The following AKAP13 variants were observed in gnomAD, a reference collection of about 807,000 sequenced individuals.
The protein encoded by AKAP13 is A-kinase anchoring protein 13.
AKAP13 carries 80 observed loss-of-function variants against 264.5 expected under a neutral mutation model. The observed-to-expected ratio is 0.30, with a 90% CI of 0.25 to 0.36. The LOEUF is 0.36. AKAP13 is among the 10% of genes least tolerant of loss of function. The pLI is 1.00. For missense variants in AKAP13, 3,712 were observed against 3,435.2 expected (o/e 1.08, Z -2.01); for synonymous variants, 1,380 against 1,250.2 (o/e 1.10, Z -2.19).
chr15:85,558,966 G>A (rs928560250), intron 5 of AKAP13, among the ~76,000 whole-genome samples: 4 of 145,538 alleles, frequency 2.7e-5, no homozygotes, highest in Non-Finnish European at 4.5e-5. Flanking sequence ...TCCCTTTGCC[G>A]TCCCCTCCCC....
chr15:85,604,239 T>C (rs1051011440), intron 8 of AKAP13, among the ~76,000 whole-genome samples: 5 of 152,182 alleles, frequency 3.3e-5, no homozygotes, highest in African/African-American at 1.2e-4. Context: ...ATAAATACAT[T>C]TGAAGATTTA....
chr15:85,440,477 A>T (rs1356293492), intron 1 of AKAP13, among the ~76,000 whole-genome samples: 3 of 152,214 alleles, frequency 2.0e-5, no homozygotes, highest in Non-Finnish European at 2.9e-5. Flanking sequence ...TGAAGAGCTG[A>T]TGCAAAATCT....
At chr15:85,662,466 T>C in intron 12 of AKAP13, 2 of 1,614,134 alleles carry the variant, frequency 1.2e-6, no homozygotes, top group Non-Finnish European at 1.7e-6. Flanking sequence ...ATGATATTGT[T>C]ATGTGTCCCG....
intron 33 of AKAP13, among the ~76,000 whole-genome samples, chr15:85,739,674 C>CT (rs369957494): frequency 5.3e-5 from 8 of 151,408 alleles, no homozygotes; most frequent in East Asian, 1.9e-4. Flanking sequence ...CCTTCCAGCT[C>CT]TTTTTTTTTC....
intron 15 of AKAP13, among the ~76,000 whole-genome samples, chr15:85,683,066 A>G (rs16943120): frequency 0.18 from 26,758 of 152,214 alleles, 2,609 homozygotes; most frequent in Non-Finnish European, 0.22. Context: ...TGGGGTTCCT[A>G]TGGCTGCCCT....
chr15:85,605,039 G>A (rs73452475), intron 8 of AKAP13, among the ~76,000 whole-genome samples: 9,457 of 152,130 alleles, frequency 0.062, 958 homozygotes, highest in African/African-American at 0.21. Flanking sequence ...GAGCTCATGG[G>A]TGCCCCTGGT....
In AKAP13 at chr15:85,655,681, A is replaced by G. The variant is rs761870457; in HGVS notation, c.4639A>G (p.Asn1547Asp). ...EMDSITEVPA[N>D]CSVLRSSMRS... ...GGACAGTATCACTGAAGTGCCTGCA[A>G]ACTGCTCTGTCCTAAGGAGCTCCAT... Residue 1547 changes from asparagine (N) to aspartate (D), a missense_variant, in exon 11 of 37, where the codon AAC becomes GAC. Asn to Asp is a conservative substitution (Grantham distance 23). Transcript: ENST00000394518. The G allele has an allele frequency of 7.4e-6, 12 of 1,614,092 alleles. No homozygotes were observed. In the East Asian group the frequency reaches 1.6e-4, roughly 21 times the overall value.
intron 1 of AKAP13, among the ~76,000 whole-genome samples, chr15:85,475,103 T>C (rs886581656): frequency 2.0e-5 from 3 of 152,176 alleles, no homozygotes; most frequent in African/African-American, 4.8e-5. Flanking sequence ...TGCTTTTTGG[T>C]TGATAGAGGC....
chr15:85,415,420 T>A, intron 1 of AKAP13: 1 of 1,607,152 alleles, frequency 6.2e-7, no homozygotes, highest in East Asian at 2.2e-5. Flanking sequence ...ACAACACAGT[T>A]TTCTTGTACC....
rs757278722 is a variant in AKAP13 at position 85,718,178 on chromosome 15, C to T, written c.6001+19C>T. On this transcript the variant is annotated intron_variant, in intron 22 of 36. Transcript: ENST00000394518. The surrounding 1 kb of genome is among the most constrained non-coding windows in gnomAD (Gnocchi z 4.9). The stretch of plus-strand genomic sequence containing the variant: ...ATATATGGTGAGAGTCTTCATTTTG[C>T]TCTGATTATATTTGATTTCCATTGT... 8.7e-6 allele frequency: 14 copies of T among 1,612,028 alleles called. No homozygotes were observed. The highest frequency in any genetic ancestry group is 1.1e-5 in the Non-Finnish European group (13 of 1,178,558).
At chr15:85,582,239 T>C in intron 7 of AKAP13, 132 bp downstream of exon 7, 7 of 1,009,918 alleles carry the variant, frequency 6.9e-6, no homozygotes, top group Non-Finnish European at 9.8e-6. Flanking sequence ...GTAGCCAAGT[T>C]AATAGTCACC....
At chr15:85,559,957 G>A (rs1027937357) in intron 5 of AKAP13, among the ~76,000 whole-genome samples, 1 of 151,982 alleles carries the variant, frequency 6.6e-6, no homozygotes. Context: ...ATTAGTGAGT[G>A]AGTAAAGATT....
intron 1 of AKAP13, among the ~76,000 whole-genome samples, chr15:85,410,916 T>G (rs1195538764): frequency 1.3e-5 from 2 of 149,190 alleles, no homozygotes; most frequent in Non-Finnish European, 2.9e-5. Flanking sequence ...TTCTGTCCCC[T>G]TTAGTTCCTT....
intron 3 of AKAP13, among the ~76,000 whole-genome samples, chr15:85,523,873 G>A (rs2151163519): frequency 7.2e-6 from 1 of 139,098 alleles, no homozygotes; most frequent in South Asian, 2.2e-4. Flanking sequence ...TGCATTTTTA[G>A]CTTGGAGAAG....
At chr15:85,635,164 C>G (rs2082019255) in intron 8 of AKAP13, 1 of 397,914 alleles carries the variant, frequency 2.5e-6, no homozygotes, top group African/African-American at 2.1e-5. Flanking sequence ...AATGGCTGTA[C>G]TATTTTGCTT....
intron 3 of AKAP13, among the ~76,000 whole-genome samples, chr15:85,526,658 T>C (rs1391903421): frequency 6.6e-6 from 1 of 152,186 alleles, no homozygotes; most frequent in Non-Finnish European, 1.5e-5. Flanking sequence ...AAAGAAGTTG[T>C]AGACTTTTAA....
At chr15:85,585,583 T>G (rs989555426) in intron 7 of AKAP13, 119 bp from the exon 8 acceptor site, 2 of 1,403,430 alleles carry the variant, frequency 1.4e-6, no homozygotes, top group Admixed American at 3.8e-5. Context: ...AAAAGAATAC[T>G]TTTCCATTTT....
chr15:85,730,390 G>A (rs1597204554), intron 29 of AKAP13, 123 bp from the exon 30 acceptor site: 2 of 907,114 alleles, frequency 2.2e-6, no homozygotes, highest in East Asian at 4.9e-5. Flanking sequence ...AGGCAGTGTG[G>A]GTGGGGAGGG....
At chr15:85,530,174 C>G (rs1290770568) in intron 3 of AKAP13, among the ~76,000 whole-genome samples, 2 of 152,210 alleles carry the variant, frequency 1.3e-5, no homozygotes, top group African/African-American at 4.8e-5. Context: ...CCCCGCGCCC[C>G]AACACACACC....
Sources: gnomAD v4.1 joint callset for allele counts (sites outside exome capture counted in the v4.1 genomes callset) on GRCh38, gnomAD v4.1.1 for gene constraint, Gnocchi (gnomAD v3.1) non-coding constraint, MANE v1.5 for transcripts, NCBI Gene and HGNC (gene_info 2026-07-23, HGNC 2026-07-21) for gene names.